TXLNB: variants seen among roughly 807,000 people sequenced by gnomAD.
The protein encoded by TXLNB is beta-taxilin.
TXLNB carries 37 observed loss-of-function variants against 57.4 expected under a neutral mutation model. The observed-to-expected ratio is 0.64, with a 90% CI of 0.50 to 0.85. The LOEUF (loss-of-function observed/expected upper bound fraction) is 0.85. Among genes scored for constraint, TXLNB ranks in the 40% least tolerant of loss-of-function variants. TXLNB has a pLI of 0.00. For synonymous variants in TXLNB, 302 were observed against 309.6 expected (o/e 0.98, Z 0.26); for missense variants, 848 against 825.6 (o/e 1.03, Z -0.33).
Position 139,288,692 on chromosome 6 carries a change from A to G in TXLNB, c.208T>C (p.Tyr70His). ...CCTGCTGTGCTGGCAGCAGACCCAT[A>G]AGTGTTAATGATGTCTTCCAGCTGT... ...NRQLEDIINT[Y>H]GSAASTAGKE... Residue 70 changes from tyrosine (Y) to histidine (H), a missense_variant, in exon 2 of 10, where the codon TAT becomes CAT. Transcript: ENST00000358430. 6.2e-7 allele frequency: 1 copy of G among 1,614,000 alleles called. No homozygotes were observed.
chr6:139,164,685 T>C, the TXLNB span, among the ~76,000 whole-genome samples: 1 of 152,066 alleles, frequency 6.6e-6, no homozygotes, highest in Non-Finnish European at 1.5e-5. Context: ...TGAATTGTAT[T>C]GAAAATTGTA....
chr6:139,228,691 C>T, the TXLNB span, among the ~76,000 whole-genome samples: 1 of 152,100 alleles, frequency 6.6e-6, no homozygotes. Context: ...GGCAGAATTA[C>T]AGCAGAAAAA....
the TXLNB span, among the ~76,000 whole-genome samples, chr6:139,323,427 T>C: frequency 6.6e-6 from 1 of 151,786 alleles, no homozygotes; most frequent in Non-Finnish European, 1.5e-5. Context: ...GGACTACAGG[T>C]GCGTGCCACC....
At chr6:139,168,934 C>G in the TXLNB span, among the ~76,000 whole-genome samples, 1 of 152,178 alleles carries the variant, frequency 6.6e-6, no homozygotes, top group Non-Finnish European at 1.5e-5. Flanking sequence ...TTTGAGAGGT[C>G]TGATGTTACT....
intron 7 of TXLNB, among the ~76,000 whole-genome samples, chr6:139,252,165 G>T (rs1012263178): frequency 5.3e-5 from 8 of 152,224 alleles, no homozygotes; most frequent in African/African-American, 1.9e-4. Flanking sequence ...GCCAGCAGTT[G>T]TCTTATGACT....
At chr6:139,180,921 A>G in the TXLNB span, 1 of 152,354 alleles carries the variant, frequency 6.6e-6, no homozygotes, top group African/African-American at 2.4e-5. Context: ...CTATTCAGGT[A>G]ACCATTTCAA....
Position 139,270,347 on chromosome 6 carries a change from G to T in TXLNB, c.687+109C>A, listed in dbSNP as rs1423411851. The T allele has an allele frequency of 4.6e-6, 5 of 1,083,528 alleles. No individual in the cohort carries two copies. The East Asian group carries it at 7.4e-5, about 16-fold the overall frequency. 67.1% of individuals were successfully genotyped at this position (1,083,528 alleles called of 1,614,324 possible). A position where few individuals can be genotyped will look rare whatever the true frequency, so the allele number is the denominator to read the frequency against. On this transcript the variant is annotated intron_variant, in intron 4 of 9. Coordinates refer to ENST00000358430, the MANE Select transcript of TXLNB (RefSeq NM_153235.4). ...CAAGCAAGGGGCAGAGGCAGTATTT[G>T]AACCCAAGCCTCTCTGATTCTAAAA...
At chr6:139,289,063 A>G (rs1482194292) in intron 1 of TXLNB, 150 bp from the exon 2 acceptor site, 3 of 666,758 alleles carry the variant, frequency 4.5e-6, no homozygotes, top group African/African-American at 1.8e-5. Context: ...CAAACCATTG[A>G]TGTTACTAAG....
the TXLNB span, among the ~76,000 whole-genome samples, chr6:139,199,256 C>A: frequency 6.6e-6 from 1 of 152,044 alleles, no homozygotes; most frequent in Admixed American, 6.5e-5. Context: ...TCTAATCTTC[C>A]TGTTCTAGGT....
At chr6:139,289,187 A>T (rs1455760177) in intron 1 of TXLNB, among the ~76,000 whole-genome samples, 1 of 152,206 alleles carries the variant, frequency 6.6e-6, no homozygotes, top group Non-Finnish European at 1.5e-5. Flanking sequence ...CCGCGCCCTG[A>T]GCCTGGTAGT....
chr6:139,168,104 CCAGA>C, the TXLNB span, among the ~76,000 whole-genome samples: 2 of 152,096 alleles, frequency 1.3e-5, no homozygotes, highest in African/African-American at 4.8e-5. Flanking sequence ...GTGTCAGTAC[CCAGA>C]CAAACATTTT....
the TXLNB span, among the ~76,000 whole-genome samples, chr6:139,301,437 A>G: frequency 1.3e-5 from 2 of 152,112 alleles, no homozygotes; most frequent in African/African-American, 4.8e-5. Flanking sequence ...AGCCTCTGCA[A>G]CCTCCATTGT....
At chr6:139,215,082 C>A in the TXLNB span, among the ~76,000 whole-genome samples, 1 of 152,088 alleles carries the variant, frequency 6.6e-6, no homozygotes, top group Non-Finnish European at 1.5e-5. Context: ...AATGCCATCC[C>A]CATCAAGCTA....
At chr6:139,183,327 C>T in the TXLNB span, 1 of 152,196 alleles carries the variant, frequency 6.6e-6, no homozygotes, top group African/African-American at 2.4e-5. Flanking sequence ...CTTCGGTTTT[C>T]CCTTCTGTTT....
At position 139,288,927 on chromosome 6, in the gene TXLNB, C is replaced by A; in HGVS notation, c.-14-14G>T. The A allele has an allele frequency of 6.3e-7, 1 of 1,590,920 alleles. No individual in the cohort carries two copies. Among genetic ancestry groups the A allele is most frequent in the Non-Finnish European group, 8.6e-7 (1 of 1,165,126 alleles). ...TGGGAGTAGTATCTAGTGGTAAGCACAGTTAGGCTTTATGTAGCTAACCTA... is the reference window on the plus strand; with the variant it reads ...TGGGAGTAGTATCTAGTGGTAAGCAAAGTTAGGCTTTATGTAGCTAACCTA... On this transcript the variant is annotated splice_polypyrimidine_tract_variant and intron_variant, in intron 1 of 9. Coordinates refer to ENST00000358430, the MANE Select transcript of TXLNB (RefSeq NM_153235.4).
At chr6:139,163,528 A>G in the TXLNB span, among the ~76,000 whole-genome samples, 1 of 151,628 alleles carries the variant, frequency 6.6e-6, no homozygotes, top group South Asian at 2.1e-4. Flanking sequence ...TAATTTTTGT[A>G]TTTTTAGTAG....
chr6:139,184,850 ATAT>A, the TXLNB span, among the ~76,000 whole-genome samples: 1 of 152,190 alleles, frequency 6.6e-6, no homozygotes, highest in Non-Finnish European at 1.5e-5. Flanking sequence ...TTGGAGTTCC[ATAT>A]AGTCTTGGAA....
the TXLNB span, among the ~76,000 whole-genome samples, chr6:139,189,577 T>G: frequency 6.6e-6 from 1 of 152,316 alleles, no homozygotes; most frequent in African/African-American, 2.4e-5. Flanking sequence ...AAGAAAGGTC[T>G]GAAATAAATG....
chr6:139,300,275 T>C, the TXLNB span, among the ~76,000 whole-genome samples: 1 of 152,202 alleles, frequency 6.6e-6, no homozygotes, highest in Non-Finnish European at 1.5e-5. Context: ...TCAAAGAGCA[T>C]GGACTAATTT....
Sources: gnomAD v4.1 joint callset for allele counts (sites outside exome capture counted in the v4.1 genomes callset) on GRCh38, gnomAD v4.1.1 for gene constraint, MANE v1.5 for transcripts, NCBI Gene and HGNC (gene_info 2026-07-23, HGNC 2026-07-21) for gene names.